ATXN1: variants seen among roughly 807,000 people sequenced by gnomAD.
ATXN1 encodes the protein ataxin-1.
In ATXN1, 8 loss-of-function variants were observed where a neutral mutation model predicts 56.4. That is an observed-to-expected ratio of 0.14 (90% confidence interval 0.08 to 0.26). The LOEUF (loss-of-function observed/expected upper bound fraction) is 0.26. ATXN1 is among the 10% of genes least tolerant of loss of function. ATXN1 has a pLI of 1.00. For synonymous variants in ATXN1, 514 were observed against 494.6 expected, an observed-to-expected ratio of 1.04 and a Z score of -0.52; for missense variants, 987 against 1,106.5, an observed-to-expected ratio of 0.89 and a Z score of 1.53.
chr6:16,593,731 T>C (rs1762763730), intron 3 of ATXN1, among the ~76,000 whole-genome samples: 1 of 152,080 alleles, frequency 6.6e-6, no homozygotes, highest in Non-Finnish European at 1.5e-5. Flanking sequence ...CAATATTGTT[T>C]CTAAGATTTA....
At chr6:16,660,939 A>T (rs1252924677) in intron 2 of ATXN1, among the ~76,000 whole-genome samples, 3 of 147,846 alleles carry the variant, frequency 2.0e-5, no homozygotes, top group Admixed American at 1.4e-4. Context: ...TCTGGTTTCA[A>T]GCAATTCTCC....
chr6:16,343,427 G>A (rs543650977), intron 6 of ATXN1, among the ~76,000 whole-genome samples: 60 of 152,208 alleles, frequency 3.9e-4, no homozygotes, highest in South Asian at 1.0e-3. Flanking sequence ...ACAGCGCCCC[G>A]CTCCCTCATC....
intron 3 of ATXN1, among the ~76,000 whole-genome samples, chr6:16,626,442 C>T (rs1172311010): frequency 6.6e-6 from 1 of 152,080 alleles, no homozygotes; most frequent in Non-Finnish European, 1.5e-5. Context: ...CAGGCACGCA[C>T]CACCATGCCC....
intron 2 of ATXN1, among the ~76,000 whole-genome samples, chr6:16,699,036 A>G (rs1759227375): frequency 6.6e-6 from 1 of 152,236 alleles, no homozygotes; most frequent in African/African-American, 2.4e-5. Context: ...TGCTCTTCCA[A>G]AGAAAAATAG....
intron 2 of ATXN1, among the ~76,000 whole-genome samples, chr6:16,731,384 G>C (rs1252197016): frequency 6.8e-6 from 1 of 146,964 alleles, no homozygotes; most frequent in African/African-American, 2.5e-5. Context: ...GGGCATCAGA[G>C]TCGTCATAAA....
intron 2 of ATXN1, among the ~76,000 whole-genome samples, chr6:16,741,892 C>A (rs1013764283): frequency 3.3e-5 from 5 of 152,120 alleles, no homozygotes; most frequent in Admixed American, 2.0e-4. Context: ...TAAAATAGTA[C>A]GGTTCATTTG....
At chr6:16,418,244 A>G (rs1643033396) in intron 6 of ATXN1, among the ~76,000 whole-genome samples, 1 of 152,212 alleles carries the variant, frequency 6.6e-6, no homozygotes, top group African/African-American at 2.4e-5. Flanking sequence ...TTCCCATTAT[A>G]AAAGTAAATA....
chr6:16,611,645 T>A (rs1233189778), intron 3 of ATXN1, among the ~76,000 whole-genome samples: 1 of 152,014 alleles, frequency 6.6e-6, no homozygotes, highest in African/African-American at 2.4e-5. Context: ...TAATACAAAA[T>A]CAGTATTACA....
At chr6:16,684,841 A>C (rs1309552338) in intron 2 of ATXN1, among the ~76,000 whole-genome samples, 4 of 143,308 alleles carry the variant, frequency 2.8e-5, no homozygotes, top group African/African-American at 5.1e-5. Context: ...TCCTTTCTTA[A>C]ATTAGGGCTG....
intron 3 of ATXN1, among the ~76,000 whole-genome samples, chr6:16,614,693 C>T (rs574467301): frequency 5.3e-5 from 8 of 151,732 alleles, no homozygotes; most frequent in Admixed American, 2.6e-4. Context: ...GAGGCTGAAG[C>T]GGGTGGATCA....
intron 6 of ATXN1, among the ~76,000 whole-genome samples, chr6:16,479,657 T>C (rs1275227796): frequency 6.6e-6 from 1 of 152,224 alleles, no homozygotes; most frequent in Non-Finnish European, 1.5e-5. Context: ...CTAGTTCTTA[T>C]CACTATTCAG....
At chr6:16,744,285 C>T (rs879937335) in intron 2 of ATXN1, among the ~76,000 whole-genome samples, 2 of 152,170 alleles carry the variant, frequency 1.3e-5, no homozygotes, top group East Asian at 1.9e-4. Flanking sequence ...AGGGTAGCAT[C>T]GTGCCTCTCT....
intron 6 of ATXN1, among the ~76,000 whole-genome samples, chr6:16,430,637 G>A (rs1171606949): frequency 2.0e-5 from 3 of 152,168 alleles, no homozygotes; most frequent in Non-Finnish European, 4.4e-5. Context: ...ACTGTGTAAG[G>A]GAGAGGAGAA....
rs749684027 is a variant in ATXN1 at position 16,306,584 on chromosome 6, G to T, written c.2193C>A (p.Asn731Lys). 6.2e-7 allele frequency: 1 copy of T among 1,614,180 alleles called. No individual in the cohort carries two copies. Among genetic ancestry groups the T allele is most frequent in the South Asian group, 1.1e-5 (1 of 91,090 alleles). Residue 731 changes from asparagine to lysine, a missense_variant, in exon 8 of 8, where the codon AAC (asparagine) becomes AAA (lysine). Asn to Lys is a moderately conservative substitution (Grantham distance 94, BLOSUM62 0). Coordinates refer to ENST00000436367, the MANE Select transcript of ATXN1 (RefSeq NM_001128164.2). This position sits in a 1 kb window ranked among gnomAD's most constrained non-coding sequence, Gnocchi z 5.2. Reference sequence around the variant, plus strand: ...CAGAGAGCATCTGGGCACTCCCCTGGTTGATTCCGTTTTCCTGCTCGGCAT... The same window carrying T: ...CAGAGAGCATCTGGGCACTCCCCTGTTTGATTCCGTTTTCCTGCTCGGCAT... The part of the protein sequence containing the change: ...HRYAEQENGI[N>K]QGSAQMLSEN...
chr6:16,528,668 T>C (rs1761440202), intron 4 of ATXN1, among the ~76,000 whole-genome samples: 1 of 152,200 alleles, frequency 6.6e-6, no homozygotes, highest in Non-Finnish European at 1.5e-5. Flanking sequence ...TTATCTATTA[T>C]CTTTAATCCT....
chr6:16,702,736 A>G (rs1163485415), intron 2 of ATXN1, among the ~76,000 whole-genome samples: 3 of 152,260 alleles, frequency 2.0e-5, no homozygotes, highest in Non-Finnish European at 4.4e-5. Context: ...AAAAATGCTC[A>G]TCATCACTGG....
intron 2 of ATXN1, chr6:16,736,831 A>G (rs1037349446): frequency 6.6e-6 from 1 of 152,254 alleles, no homozygotes; most frequent in African/African-American, 2.4e-5. Flanking sequence ...TTGTAAGTGG[A>G]AAATCAAGAG....
chr6:16,669,901 TTGG>T (rs1272093926), intron 2 of ATXN1, among the ~76,000 whole-genome samples: 1 of 152,090 alleles, frequency 6.6e-6, no homozygotes, highest in Non-Finnish European at 1.5e-5. Context: ...CACATTCACA[TTGG>T]TGATGTCTAC....
intron 3 of ATXN1, among the ~76,000 whole-genome samples, chr6:16,637,159 T>C (rs1300070489): frequency 2.0e-5 from 3 of 152,146 alleles, no homozygotes; most frequent in East Asian, 3.8e-4. Flanking sequence ...TGGAATACTA[T>C]GTAGCCATAA....
Sources: gnomAD v4.1 joint callset for allele counts (sites outside exome capture counted in the v4.1 genomes callset) on GRCh38, gnomAD v4.1.1 for gene constraint, Gnocchi (gnomAD v3.1) non-coding constraint, MANE v1.5 for transcripts, NCBI Gene and HGNC (gene_info 2026-07-23, HGNC 2026-07-21) for gene names.